KHDRBS2: variants seen among roughly 807,000 people sequenced by gnomAD.
KHDRBS2 encodes the protein KH domain-containing, RNA-binding, signal transduction-associated protein 2.
Under a neutral mutation model 44.3 loss-of-function variants are expected in KHDRBS2, and 26 were observed. That is an observed-to-expected ratio of 0.59 (90% CI 0.43 to 0.81). The LOEUF is 0.81. KHDRBS2 is among the 40% of genes least tolerant of loss of function. The pLI, the probability that KHDRBS2 is intolerant of heterozygous loss-of-function variation, is 0.00. For synonymous variants in KHDRBS2, 194 were observed against 151.1 expected (o/e 1.28, Z -2.08); for missense variants, 476 against 433.1 (o/e 1.10, Z -0.88).
chr6:62,059,206 T>TTTTTTG, intron 2 of KHDRBS2, among the ~76,000 whole-genome samples: 1 of 109,844 alleles, frequency 9.1e-6, no homozygotes. Context: ...AAGTTTTTTT[T>TTTTTTG]TTTTTTTTTT....
intron 2 of KHDRBS2, among the ~76,000 whole-genome samples, chr6:62,146,215 T>C (rs538724542): frequency 1.3e-5 from 2 of 151,970 alleles, no homozygotes; most frequent in South Asian, 4.1e-4. Flanking sequence ...CATTGATTAT[T>C]GTAAATTAAT....
downstream of KHDRBS2, among the ~76,000 whole-genome samples, chr6:61,675,880 A>C (rs1285366320): frequency 6.6e-6 from 1 of 151,756 alleles, no homozygotes; most frequent in Non-Finnish European, 1.5e-5. Flanking sequence ...CATTATCTGA[A>C]AATATACATA....
chr6:61,874,030 C>A (rs116397454), intron 6 of KHDRBS2, among the ~76,000 whole-genome samples: 11,753 of 151,800 alleles, frequency 0.077, 500 homozygotes, highest in South Asian at 0.13. Context: ...TATGAACTCT[C>A]TCTATATATA....
At chr6:61,561,577 C>T in the KHDRBS2 span, among the ~76,000 whole-genome samples, 1 of 152,186 alleles carries the variant, frequency 6.6e-6, no homozygotes, top group South Asian at 2.1e-4. Context: ...TTTCTTCCCA[C>T]TCTTTCCTTC....
chr6:62,009,205 G>T (rs1779831250), intron 3 of KHDRBS2, among the ~76,000 whole-genome samples: 1 of 152,176 alleles, frequency 6.6e-6, no homozygotes, highest in East Asian at 1.9e-4. Flanking sequence ...TTGGGAACTG[G>T]AGTAAAGGTG....
At chr6:61,956,904 T>TTCTTCATCA (rs1554293360) in intron 4 of KHDRBS2, among the ~76,000 whole-genome samples, 1 of 148,308 alleles carries the variant, frequency 6.7e-6, no homozygotes, top group Non-Finnish European at 1.5e-5. Flanking sequence ...GTTATTGGTT[T>TTCTTCATCA]TCATCATCAT....
rs1389795492 is a variant in KHDRBS2, at chr6:61,679,992, A to AT, written c.*970dup. On this transcript the variant is annotated 3_prime_UTR_variant, in exon 9 of 9. Transcript: ENST00000281156. ...AAAATCCATTTATTATTCTAAATCC[A>AT]TTTTTTTCCATTAACATGTTATACA... The AT allele has an allele frequency of 2.6e-5, 4 of 151,914 alleles. No homozygotes were observed. Among genetic ancestry groups the AT allele is most frequent in the African/African-American group, 4.8e-5 (2 of 41,406 alleles). The allele number at this position is 151,914 out of a possible 1,614,324, so 9.4% of individuals were successfully genotyped here.
chr6:61,806,804 T>C (rs1435947258), intron 6 of KHDRBS2, among the ~76,000 whole-genome samples: 9 of 152,108 alleles, frequency 5.9e-5, no homozygotes, highest in Non-Finnish European at 1.2e-4. Flanking sequence ...AACTTATTTT[T>C]CAATTTTTAA....
chr6:62,064,438 G>C (rs1194810112), intron 2 of KHDRBS2, among the ~76,000 whole-genome samples: 3 of 148,234 alleles, frequency 2.0e-5, no homozygotes, highest in Non-Finnish European at 4.5e-5. Context: ...CAGAGATATA[G>C]ATCAATGGAA....
intron 6 of KHDRBS2, among the ~76,000 whole-genome samples, chr6:61,893,853 C>T (rs1404023941): frequency 1.3e-5 from 2 of 151,734 alleles, no homozygotes; most frequent in African/African-American, 4.8e-5. Flanking sequence ...ACATATGTAA[C>T]AAACCTGCAC....
chr6:62,255,800 C>T (rs1251702789), intron 1 of KHDRBS2, among the ~76,000 whole-genome samples: 1 of 151,844 alleles, frequency 6.6e-6, no homozygotes, highest in Middle Eastern at 3.2e-3. Flanking sequence ...TTTACATAAA[C>T]TAAGTTGGTA....
chr6:61,555,766 T>C, the KHDRBS2 span, among the ~76,000 whole-genome samples: 2,433 of 152,278 alleles, frequency 0.016, 67 homozygotes, highest in African/African-American at 0.057. Context: ...GCTTCACTTC[T>C]GGTAGATTGT....
At chr6:62,270,608 C>T (rs1186259147) in intron 1 of KHDRBS2, among the ~76,000 whole-genome samples, 1 of 151,912 alleles carries the variant, frequency 6.6e-6, no homozygotes, top group African/African-American at 2.4e-5. Flanking sequence ...CTCTACTTTG[C>T]CACGGGTATT....
At chr6:61,936,533 G>A (rs1713446960) in intron 4 of KHDRBS2, among the ~76,000 whole-genome samples, 1 of 151,168 alleles carries the variant, frequency 6.6e-6, no homozygotes, top group Non-Finnish European at 1.5e-5. Flanking sequence ...TTTTATATTT[G>A]AATATTGTGT....
At chr6:61,552,223 C>T in the KHDRBS2 span, among the ~76,000 whole-genome samples, 1 of 151,728 alleles carries the variant, frequency 6.6e-6, no homozygotes. Flanking sequence ...TTGTAGAGAT[C>T]TTTCAATTCC....
chr6:61,753,254 T>C (rs1777999972), intron 6 of KHDRBS2, among the ~76,000 whole-genome samples: 1 of 152,128 alleles, frequency 6.6e-6, no homozygotes, highest in Non-Finnish European at 1.5e-5. Flanking sequence ...CACAGCCATC[T>C]CTGTAGCTGC....
intron 6 of KHDRBS2, among the ~76,000 whole-genome samples, chr6:61,827,703 C>A (rs916870072): frequency 6.6e-6 from 1 of 152,136 alleles, no homozygotes; most frequent in East Asian, 1.9e-4. Context: ...TGTGGTCCGA[C>A]TCTGGTGAGG....
chr6:62,145,374 A>G (rs529426297), intron 2 of KHDRBS2, among the ~76,000 whole-genome samples: 2 of 151,670 alleles, frequency 1.3e-5, no homozygotes, highest in East Asian at 3.9e-4. Flanking sequence ...ATTAAAGCTT[A>G]CATCGCTTTT....
chr6:62,108,741 T>C (rs1215481086), intron 2 of KHDRBS2, among the ~76,000 whole-genome samples: 2 of 152,184 alleles, frequency 1.3e-5, no homozygotes, highest in African/African-American at 2.4e-5. Flanking sequence ...ACGTGGCATA[T>C]ATACACCATG....
Sources: gnomAD v4.1 joint callset for allele counts (sites outside exome capture counted in the v4.1 genomes callset) on GRCh38, gnomAD v4.1.1 for gene constraint, MANE v1.5 for transcripts, NCBI Gene and HGNC (gene_info 2026-07-23, HGNC 2026-07-21) for gene names.